Variants in CPNE4 observed in about 807,000 individuals in gnomAD.
The protein encoded by CPNE4 is copine-4.
CPNE4 carries 25 observed loss-of-function variants against 67.9 expected under a neutral mutation model. The ratio of observed to expected loss-of-function variants is 0.37; its 90% confidence interval spans 0.27 to 0.51. CPNE4 has a LOEUF of 0.51. Ranked by LOEUF, CPNE4 falls within the 20% of genes least tolerant of loss-of-function variation. CPNE4 has a pLI of 0.93. For synonymous variants in CPNE4, 242 were observed against 244.9 expected (o/e 0.99, Z 0.11); for missense variants, 464 against 690.8 (o/e 0.67, Z 3.68).
At chr3:132,034,169 A>T (rs2107707657) in intron 1 of CPNE4, among the ~76,000 whole-genome samples, 1 of 152,248 alleles carries the variant, frequency 6.6e-6, no homozygotes, top group Non-Finnish European at 1.5e-5. Flanking sequence ...ACTGTCAGAG[A>T]GGAAGCTGCA....
At chr3:131,977,639 T>C (rs1361103825) in intron 1 of CPNE4, among the ~76,000 whole-genome samples, 1 of 152,082 alleles carries the variant, frequency 6.6e-6, no homozygotes, top group African/African-American at 2.4e-5. Flanking sequence ...ATCTCCTCTA[T>C]GCGGTTCTTT....
chr3:131,964,034 A>G (rs1374381222), intron 1 of CPNE4, among the ~76,000 whole-genome samples: 1 of 152,192 alleles, frequency 6.6e-6, no homozygotes, highest in East Asian at 1.9e-4. Flanking sequence ...AGGAGCAGGC[A>G]GCAATCTTTG....
chr3:131,747,146 G>C (rs990049175), intron 2 of CPNE4, among the ~76,000 whole-genome samples: 1 of 144,306 alleles, frequency 6.9e-6, no homozygotes, highest in Non-Finnish European at 1.5e-5. Flanking sequence ...TTGTTGTTGA[G>C]TTGTTTGAGT....
chr3:131,980,302 A>C (rs2072873499), intron 1 of CPNE4, among the ~76,000 whole-genome samples: 2 of 152,160 alleles, frequency 1.3e-5, no homozygotes, highest in African/African-American at 4.8e-5. Context: ...CCAAGCTTTT[A>C]GATTTCTCTT....
Position 131,836,331 on chromosome 3 carries a change from A to G in CPNE4, c.180+68933T>C, listed in dbSNP as rs2085555634. On this transcript the variant is annotated intron_variant, in intron 2 of 15. Coordinates refer to ENST00000429747, the MANE Select transcript of CPNE4 (RefSeq NM_130808.3). The stretch of plus-strand genomic sequence containing the variant: ...CAAAAATTAGTTAATGCAATCTCCC[A>G]TATTTACAGTCTAAAAGAAAAAAAG... Among the ~76,000 whole-genome samples the G allele has an allele frequency of 3.3e-5, 5 of 152,306 alleles. No homozygotes were observed. In the South Asian group the frequency reaches 8.3e-4, roughly 25 times the overall value.
At chr3:131,763,055 A>G (rs2082928670) in intron 2 of CPNE4, among the ~76,000 whole-genome samples, 2 of 152,094 alleles carry the variant, frequency 1.3e-5, no homozygotes, top group Non-Finnish European at 2.9e-5. Context: ...TCTATACAGG[A>G]TATGACCATC....
chr3:131,600,249 T>G (rs1425671952), intron 7 of CPNE4, among the ~76,000 whole-genome samples: 1 of 152,166 alleles, frequency 6.6e-6, no homozygotes, highest in Non-Finnish European at 1.5e-5. Flanking sequence ...CATGTGAGCT[T>G]CTAATACAAT....
chr3:131,950,566 G>A (rs1316401993), intron 1 of CPNE4, among the ~76,000 whole-genome samples: 3 of 152,160 alleles, frequency 2.0e-5, no homozygotes, highest in Non-Finnish European at 4.4e-5. Flanking sequence ...ACAGCTCTGC[G>A]TATGTCTACA....
intron 7 of CPNE4, among the ~76,000 whole-genome samples, chr3:131,625,525 T>A (rs146095253): frequency 1.6e-3 from 251 of 152,192 alleles, no homozygotes; most frequent in African/African-American, 5.6e-3. Context: ...AACGGGACAG[T>A]AAGAAAATGT....
intron 7 of CPNE4, among the ~76,000 whole-genome samples, chr3:131,613,019 T>C (rs1433943595): frequency 2.6e-5 from 4 of 152,222 alleles, no homozygotes; most frequent in African/African-American, 9.6e-5. Context: ...TTCTCTGTGT[T>C]ATCTTCTGTC....
chr3:131,553,180 T>C (rs1408063686), intron 12 of CPNE4, among the ~76,000 whole-genome samples: 1 of 152,140 alleles, frequency 6.6e-6, no homozygotes, highest in Non-Finnish European at 1.5e-5. Flanking sequence ...TTCTGGCATC[T>C]GGACATTTTT....
intron 1 of CPNE4, among the ~76,000 whole-genome samples, chr3:131,966,024 C>T (rs1416054635): frequency 6.6e-6 from 1 of 152,220 alleles, no homozygotes; most frequent in Non-Finnish European, 1.5e-5. Flanking sequence ...CAAACAGTCT[C>T]TCAGACCACA....
At chr3:131,875,217 C>T (rs58392570) in intron 2 of CPNE4, among the ~76,000 whole-genome samples, 5,620 of 151,842 alleles carry the variant, frequency 0.037, 229 homozygotes, top group African/African-American at 0.1. Context: ...GATACATTAT[C>T]ACTTAAAAAA....
chr3:131,590,731 G>T (rs1315202995), intron 7 of CPNE4, among the ~76,000 whole-genome samples: 1 of 152,172 alleles, frequency 6.6e-6, no homozygotes, highest in East Asian at 1.9e-4. Context: ...TGCAAAAAAT[G>T]TAGTAAAGTC....
chr3:131,760,580 C>A (rs1410858948), intron 2 of CPNE4, among the ~76,000 whole-genome samples: 1 of 152,156 alleles, frequency 6.6e-6, no homozygotes, highest in Non-Finnish European at 1.5e-5. Flanking sequence ...GACTTTTCCC[C>A]ATTTTTTTCT....
At chr3:131,841,551 G>A (rs2085781831) in intron 2 of CPNE4, among the ~76,000 whole-genome samples, 5 of 152,266 alleles carry the variant, frequency 3.3e-5, no homozygotes, top group African/African-American at 7.2e-5. Context: ...TCTAGGTTAC[G>A]TGGTCCTTAT....
chr3:131,910,830 T>C (rs2088948446), intron 1 of CPNE4, among the ~76,000 whole-genome samples: 1 of 152,184 alleles, frequency 6.6e-6, no homozygotes, highest in Non-Finnish European at 1.5e-5. Context: ...GGCTGGTCTC[T>C]AGGAACCTCC....
At chr3:131,638,800 AT>A (rs1232317015) in intron 7 of CPNE4, among the ~76,000 whole-genome samples, 1 of 152,200 alleles carries the variant, frequency 6.6e-6, no homozygotes, top group Non-Finnish European at 1.5e-5. Flanking sequence ...ATTTAAGAAA[AT>A]CAAAATTATA....
chr3:131,698,006 C>T (rs796126348), intron 4 of CPNE4, among the ~76,000 whole-genome samples: 26 of 151,454 alleles, frequency 1.7e-4, no homozygotes, highest in Admixed American at 3.3e-4. Flanking sequence ...GTGAGGCGGG[C>T]GGATCACGAG....
Sources: gnomAD v4.1 joint callset for allele counts (sites outside exome capture counted in the v4.1 genomes callset) on GRCh38, gnomAD v4.1.1 for gene constraint, MANE v1.5 for transcripts, NCBI Gene and HGNC (gene_info 2026-07-23, HGNC 2026-07-21) for gene names.